RBFOX2: variants seen among roughly 807,000 people sequenced by gnomAD.
RBFOX2 encodes the protein RNA binding protein fox-1 homolog 2.
In RBFOX2, 10 loss-of-function variants were observed where a neutral mutation model predicts 49.1. The ratio of observed to expected loss-of-function variants is 0.20; its 90% CI spans 0.13 to 0.35. The LOEUF (loss-of-function observed/expected upper bound fraction) is 0.35, where lower values mean the gene tolerates loss of function less well. Ranked by LOEUF, RBFOX2 falls within the 10% of genes least tolerant of loss-of-function variation. The pLI, the probability that RBFOX2 is intolerant of heterozygous loss-of-function variation, is 1.00. For synonymous variants in RBFOX2, 183 were observed against 187.4 expected, an observed-to-expected ratio of 0.98 and a Z score of 0.19; for missense variants, 323 against 486.9, an observed-to-expected ratio of 0.66 and a Z score of 3.17.
In RBFOX2 at chr22:35,808,673, C is replaced by G. The variant is rs374159673; in HGVS notation, c.252+1107G>C. On this transcript the variant is annotated intron_variant, in intron 2 of 11. Transcript: ENST00000405409. The stretch of plus-strand genomic sequence containing the variant: ...AAGCTTGGACAACAACAAAAGGAGA[C>G]CCTGTCTCTACAAAAAAAATTAAAA... Among the ~76,000 whole-genome samples the G allele has an allele frequency of 7.9e-5, 12 of 151,940 alleles. No homozygotes were observed. In the South Asian group the frequency reaches 2.1e-3, roughly 26 times the overall value.
intron 2 of RBFOX2, among the ~76,000 whole-genome samples, chr22:35,799,591 A>C (rs528475106): frequency 2.0e-5 from 3 of 152,222 alleles, no homozygotes; most frequent in African/African-American, 7.2e-5. Flanking sequence ...ATGGAGCTGT[A>C]GCTCACAGCA....
chr22:36,022,011 C>A (rs755462861), intron 1 of RBFOX2, among the ~76,000 whole-genome samples: 2 of 152,214 alleles, frequency 1.3e-5, no homozygotes, highest in Non-Finnish European at 2.9e-5. Context: ...CAATTACTGC[C>A]ATTTCCTTCC....
At chr22:35,990,501 A>G (rs2057929534) in intron 1 of RBFOX2, among the ~76,000 whole-genome samples, 1 of 152,142 alleles carries the variant, frequency 6.6e-6, no homozygotes, top group African/African-American at 2.4e-5. Flanking sequence ...AAATGAGAGA[A>G]CTGAAGAGTC....
At chr22:35,818,209 T>C (rs1360300424) in intron 1 of RBFOX2, among the ~76,000 whole-genome samples, 1 of 152,224 alleles carries the variant, frequency 6.6e-6, no homozygotes, top group Non-Finnish European at 1.5e-5. Flanking sequence ...AACAAGTATT[T>C]AGAACCTCAA....
exon 9 of RBFOX2, chr22:35,760,013 G>T (rs773036918): frequency 1.2e-6 from 2 of 1,613,700 alleles, no homozygotes; most frequent in Non-Finnish European, 1.7e-6. Flanking sequence ...GGTAAGGGAA[G>T]CCAGGAACTA....
In RBFOX2 at chr22:35,748,956, TA is replaced by T. The variant is rs1933854581; in HGVS notation, c.888-2396del. On this transcript the variant is annotated intron_variant, in intron 9 of 11. Coordinates refer to ENST00000405409, the Ensembl canonical transcript of RBFOX2. ...AAATCATGGCTTTAAGCTGTATTCT[TA>T]AAAAACAGGTTCTAAGTGAGGTTGC... Among the ~76,000 whole-genome samples the T allele has an allele frequency of 4.6e-5, 7 of 152,298 alleles. No individual in the cohort carries two copies. The South Asian group carries it at 1.5e-3, about 32-fold the overall frequency.
chr22:35,835,850 G>A (rs1171815693), intron 1 of RBFOX2, among the ~76,000 whole-genome samples: 11 of 152,076 alleles, frequency 7.2e-5, no homozygotes. Flanking sequence ...CTTTTCAAGA[G>A]ACAATCTTGG....
chr22:35,821,898 A>T (rs186194403), intron 1 of RBFOX2: 2 of 518,968 alleles, frequency 3.9e-6, no homozygotes, highest in East Asian at 1.1e-4. Context: ...CAAAAGGGGG[A>T]GGAGCAGGAA....
At chr22:35,896,499 A>C (rs751401028) in intron 1 of RBFOX2, among the ~76,000 whole-genome samples, 1 of 152,308 alleles carries the variant, frequency 6.6e-6, no homozygotes, top group East Asian at 1.9e-4. Context: ...AAGGTCTACA[A>C]GTCTCACATT....
At chr22:35,803,181 T>C (rs997892834) in intron 2 of RBFOX2, among the ~76,000 whole-genome samples, 67 of 134,530 alleles carry the variant, frequency 5.0e-4, no homozygotes, top group Non-Finnish European at 5.9e-4. Flanking sequence ...CACACACACA[T>C]GCCCATCACA....
intron 1 of RBFOX2, among the ~76,000 whole-genome samples, chr22:35,847,697 A>G (rs537978101): frequency 4.3e-4 from 65 of 152,174 alleles, no homozygotes; most frequent in African/African-American, 1.5e-3. Context: ...GGCAGAATGG[A>G]GAGTAAACCC....
chr22:35,755,700 G>C (rs1273352740), intron 9 of RBFOX2, among the ~76,000 whole-genome samples: 1 of 152,182 alleles, frequency 6.6e-6, no homozygotes, highest in Admixed American at 6.5e-5. Flanking sequence ...GCAGAAAAGG[G>C]AAAGAGCTGG....
At chr22:36,019,021 C>G (rs1419877344) in intron 1 of RBFOX2, among the ~76,000 whole-genome samples, 1 of 152,116 alleles carries the variant, frequency 6.6e-6, no homozygotes, top group African/African-American at 2.4e-5. Flanking sequence ...AGCTCAATTT[C>G]CATAGACAAA....
In RBFOX2 at chr22:35,904,971, G is replaced by T. The variant is rs766591230; in HGVS notation, c.-34+33876C>A. Among the ~76,000 whole-genome samples the T allele has an allele frequency of 6.8e-4, 104 of 152,180 alleles. 3 individuals carry two copies. Among genetic ancestry groups the T allele is most frequent in the Non-Finnish European group, 2.6e-4 (18 of 68,018 alleles). On this transcript the variant is annotated intron_variant, in intron 1 of 13. Coordinates refer to the RBFOX2 transcript ENST00000359369. ...AAAACATTTCTATCATCACAGAAAG[G>T]TCTATTAGACAGAGCTGTCCTAGAA...
intron 1 of RBFOX2, among the ~76,000 whole-genome samples, chr22:35,826,046 C>CAAA (rs71736820): frequency 9.9e-6 from 1 of 100,848 alleles, no homozygotes; most frequent in Non-Finnish European, 2.1e-5. Flanking sequence ...TTGCTTTTGG[C>CAAA]AAAAAAAAAA....
At chr22:35,828,175 AAAAG>A (rs895322985) in intron 1 of RBFOX2, among the ~76,000 whole-genome samples, 6 of 152,002 alleles carry the variant, frequency 3.9e-5, no homozygotes, top group African/African-American at 1.4e-4. Context: ...AAAAAAAAAA[AAAAG>A]AAACAGATTT....
chr22:35,889,791 T>C (rs1184550739), intron 1 of RBFOX2, among the ~76,000 whole-genome samples: 3 of 152,186 alleles, frequency 2.0e-5, no homozygotes, highest in Non-Finnish European at 4.4e-5. Flanking sequence ...AGTTCTCTAA[T>C]TGTGTAGAGC....
At chr22:35,932,660 C>T (rs2052565905) in intron 1 of RBFOX2, among the ~76,000 whole-genome samples, 1 of 152,208 alleles carries the variant, frequency 6.6e-6, no homozygotes, top group Non-Finnish European at 1.5e-5. Flanking sequence ...GTGAGCAGAT[C>T]ACCTGAGGTC....
intron 4 of RBFOX2, among the ~76,000 whole-genome samples, chr22:35,773,858 G>C (rs992941233): frequency 2.6e-5 from 4 of 152,052 alleles, no homozygotes; most frequent in Non-Finnish European, 5.9e-5. Flanking sequence ...TAGAAAGTCT[G>C]ACCCACAATG....
Sources: gnomAD v4.1 joint callset for allele counts (sites outside exome capture counted in the v4.1 genomes callset) on GRCh38, gnomAD v4.1.1 for gene constraint, MANE v1.5 for transcripts, NCBI Gene and HGNC (gene_info 2026-07-23, HGNC 2026-07-21) for gene names.